The following ARB2A variants were observed in gnomAD, a reference collection of about 807,000 sequenced individuals.
ARB2A encodes cotranscriptional regulator ARB2A.
At chr5:93,877,882 C>A in the ARB2A span, among the ~76,000 whole-genome samples, 1 of 151,982 alleles carries the variant, frequency 6.6e-6, no homozygotes, top group Non-Finnish European at 1.5e-5. Flanking sequence ...GTAGAGTAAC[C>A]CCAGCAGCCT....
At chr5:94,071,477 T>C in the ARB2A span, among the ~76,000 whole-genome samples, 12 of 151,982 alleles carry the variant, frequency 7.9e-5, no homozygotes, top group East Asian at 2.1e-3. Context: ...TGAGAGAAAA[T>C]ATTCACAAAG....
At chr5:94,106,870 G>GAAAAAAAAAA in the ARB2A span, among the ~76,000 whole-genome samples, 15 of 57,394 alleles carry the variant, frequency 2.6e-4, no homozygotes, top group Non-Finnish European at 4.2e-4. Flanking sequence ...AATCAATGCA[G>GAAAAAAAAAA]AAAAAAAAAA....
chr5:94,033,126 T>A, the ARB2A span, among the ~76,000 whole-genome samples: 6 of 151,956 alleles, frequency 3.9e-5, no homozygotes, highest in African/African-American at 1.5e-4. Flanking sequence ...ACTGTAACTT[T>A]CCTGAGGCCT....
chr5:93,733,540 T>C, the ARB2A span: 2 of 152,268 alleles, frequency 1.3e-5, no homozygotes, highest in South Asian at 4.1e-4. Flanking sequence ...AAAGTTGAAA[T>C]GATGGGCCAA....
the ARB2A span, among the ~76,000 whole-genome samples, chr5:94,092,979 C>A: frequency 6.6e-6 from 1 of 152,050 alleles, no homozygotes; most frequent in Non-Finnish European, 1.5e-5. Flanking sequence ...GAACTCTTTT[C>A]TAAATATAGG....
the ARB2A span, among the ~76,000 whole-genome samples, chr5:93,998,128 A>G: frequency 6.6e-6 from 1 of 152,004 alleles, no homozygotes; most frequent in Non-Finnish European, 1.5e-5. Context: ...CAAATTCATG[A>G]AGAGGAATAA....
At chr5:93,706,272 C>T in the ARB2A span, among the ~76,000 whole-genome samples, 1 of 152,070 alleles carries the variant, frequency 6.6e-6, no homozygotes. Flanking sequence ...GAAGCTTATG[C>T]TAAATGAAAG....
At chr5:93,765,788 T>G in the ARB2A span, among the ~76,000 whole-genome samples, 1 of 152,096 alleles carries the variant, frequency 6.6e-6, no homozygotes. Flanking sequence ...CTTCAAACTA[T>G]ACTACAAGGC....
At chr5:94,075,035 T>C in the ARB2A span, among the ~76,000 whole-genome samples, 1 of 152,166 alleles carries the variant, frequency 6.6e-6, no homozygotes, top group South Asian at 2.1e-4. Context: ...CAATACCTTA[T>C]ACATTACAGT....
the ARB2A span, chr5:93,861,358 C>T: frequency 7.7e-6 from 1 of 129,454 alleles, no homozygotes; most frequent in Non-Finnish European, 1.6e-5. Flanking sequence ...AGATACATTT[C>T]AGGCATCACT....
the ARB2A span, among the ~76,000 whole-genome samples, chr5:93,940,207 G>C: frequency 6.6e-6 from 1 of 151,988 alleles, no homozygotes; most frequent in Non-Finnish European, 1.5e-5. Context: ...GAGTAAACTG[G>C]TAATAGCGTA....
At chr5:93,704,600 A>G in the ARB2A span, among the ~76,000 whole-genome samples, 10 of 152,110 alleles carry the variant, frequency 6.6e-5, no homozygotes, top group Non-Finnish European at 1.3e-4. Context: ...AGAAAACCCC[A>G]AACAAGAAAA....
the ARB2A span, among the ~76,000 whole-genome samples, chr5:93,743,724 TG>T: frequency 4.0e-4 from 61 of 151,332 alleles, no homozygotes; most frequent in Non-Finnish European, 6.9e-4. Flanking sequence ...TGGAGTGCAG[TG>T]GCGTGATCTC....
the ARB2A span, among the ~76,000 whole-genome samples, chr5:93,803,713 TAA>T: frequency 3.5e-5 from 5 of 141,338 alleles, no homozygotes; most frequent in Admixed American, 7.1e-5. Context: ...ACTTAAAAGT[TAA>T]AAAAAAAAAA....
At chr5:93,784,214 C>T in the ARB2A span, 2 of 561,952 alleles carry the variant, frequency 3.6e-6, no homozygotes, top group South Asian at 2.4e-5. Context: ...TAGGTCTTCA[C>T]ATGGGTTTTC....
At chr5:93,703,604 T>C in the ARB2A span, among the ~76,000 whole-genome samples, 2 of 152,166 alleles carry the variant, frequency 1.3e-5, no homozygotes, top group Non-Finnish European at 2.9e-5. Flanking sequence ...AGAGGCAGAA[T>C]GGAAGGTAAA....
At chr5:93,923,223 A>T in the ARB2A span, among the ~76,000 whole-genome samples, 7 of 152,136 alleles carry the variant, frequency 4.6e-5, no homozygotes, top group African/African-American at 1.7e-4. Context: ...TGACTTATTT[A>T]TTATAAAATA....
the ARB2A span, among the ~76,000 whole-genome samples, chr5:93,853,191 T>G: frequency 1.3e-5 from 2 of 152,148 alleles, no homozygotes; most frequent in Non-Finnish European, 2.9e-5. Context: ...TAAGTTGGAT[T>G]CCTAGGTATT....
the ARB2A span, among the ~76,000 whole-genome samples, chr5:94,094,978 T>A: frequency 6.6e-6 from 1 of 152,190 alleles, no homozygotes; most frequent in Non-Finnish European, 1.5e-5. Flanking sequence ...CCTCTCCCCA[T>A]GACGTCATGA....
Sources: allele counts gnomAD v4.1 joint callset (sites outside exome capture counted in the v4.1 genomes callset), GRCh38; gene constraint gnomAD v4.1.1; transcripts MANE v1.5; gene names NCBI Gene and HGNC (gene_info 2026-07-23, HGNC 2026-07-21).